C8orf34: variants seen among roughly 807,000 people sequenced by gnomAD.
C8orf34 encodes the protein uncharacterized protein C8orf34.
Under a neutral mutation model 68.3 loss-of-function variants are expected in C8orf34, and 65 were observed. That is an observed-to-expected ratio of 0.95 (90% CI 0.78 to 1.17). The LOEUF (loss-of-function observed/expected upper bound fraction) is 1.17. Among genes scored for constraint, C8orf34 ranks in the 50% most tolerant of loss-of-function variants. The probability of loss-of-function intolerance (pLI) is 0.00; values close to 1 mark genes in which losing one functional copy is unlikely to be tolerated. For missense variants in C8orf34, 664 were observed against 655.4 expected (o/e 1.01, Z -0.14); for synonymous variants, 244 against 241.2 (o/e 1.01, Z -0.11).
intron 7 of C8orf34, among the ~76,000 whole-genome samples, chr8:68,603,683 T>A (rs1036145346): frequency 5.3e-5 from 8 of 151,952 alleles, no homozygotes; most frequent in African/African-American, 1.7e-4. Flanking sequence ...TACATAAATT[T>A]CAAGAAGAGA....
chr8:68,532,189 G>T (rs1815276278), intron 6 of C8orf34, among the ~76,000 whole-genome samples: 2 of 152,028 alleles, frequency 1.3e-5, no homozygotes, highest in Admixed American at 1.3e-4. Flanking sequence ...AAAACAGAAA[G>T]AACAGAAATA....
intron 10 of C8orf34, among the ~76,000 whole-genome samples, chr8:68,746,465 C>A: frequency 5.3e-5 from 2 of 37,962 alleles, no homozygotes; most frequent in African/African-American, 1.0e-4. Flanking sequence ...TTGAAAGGAT[C>A]AACAAAATTG....
At chr8:68,492,729 C>T (rs1813367797) in intron 5 of C8orf34, among the ~76,000 whole-genome samples, 1 of 151,978 alleles carries the variant, frequency 6.6e-6, no homozygotes, top group African/African-American at 2.4e-5. Flanking sequence ...CTTTCTCTGG[C>T]TGTGATCCCT....
chr8:68,559,939 G>T (rs1816371171), intron 7 of C8orf34, among the ~76,000 whole-genome samples: 1 of 152,120 alleles, frequency 6.6e-6, no homozygotes, highest in Non-Finnish European at 1.5e-5. Flanking sequence ...GTACAGAGAG[G>T]AACATTGGGT....
chr8:68,413,052 G>T (rs894535943), intron 1 of C8orf34, among the ~76,000 whole-genome samples: 14 of 152,098 alleles, frequency 9.2e-5, no homozygotes, highest in Non-Finnish European at 1.9e-4. Context: ...TCCTACACCT[G>T]TGCAGCTGAA....
At chr8:68,678,983 T>C (rs1450234409) in intron 8 of C8orf34, among the ~76,000 whole-genome samples, 2 of 150,960 alleles carry the variant, frequency 1.3e-5, no homozygotes, top group East Asian at 2.0e-4. Flanking sequence ...GAAAAAGAAA[T>C]CAAGAAAGTT....
At chr8:68,805,994 C>T (rs1824469473) in intron 12 of C8orf34, among the ~76,000 whole-genome samples, 1 of 151,788 alleles carries the variant, frequency 6.6e-6, no homozygotes, top group South Asian at 2.1e-4. Flanking sequence ...GTTATATACT[C>T]TTTTAAGATT....
intron 8 of C8orf34, among the ~76,000 whole-genome samples, chr8:68,684,988 C>T (rs889969707): frequency 6.6e-6 from 1 of 151,950 alleles, no homozygotes; most frequent in African/African-American, 2.4e-5. Flanking sequence ...TAATATACAA[C>T]AGGTAAAATT....
intron 10 of C8orf34, among the ~76,000 whole-genome samples, chr8:68,771,418 G>A (rs1426109104): frequency 6.6e-6 from 1 of 152,104 alleles, no homozygotes; most frequent in Non-Finnish European, 1.5e-5. Flanking sequence ...CTGCATTACA[G>A]GAAATTATAG....
intron 7 of C8orf34, among the ~76,000 whole-genome samples, chr8:68,538,181 A>G (rs778911377): frequency 1.2e-4 from 18 of 152,154 alleles, no homozygotes; most frequent in African/African-American, 2.9e-4. Flanking sequence ...CATACCAATA[A>G]CATAGAATAA....
At chr8:68,487,944 A>G in intron 4 of C8orf34, 79 bp from the exon 5 acceptor site, 2 of 934,980 alleles carry the variant, frequency 2.1e-6, no homozygotes, top group South Asian at 1.5e-5. Flanking sequence ...ACTTTTACAA[A>G]TAGAAAGTTT....
intron 10 of C8orf34, among the ~76,000 whole-genome samples, chr8:68,763,660 C>T (rs890273041): frequency 6.6e-6 from 1 of 152,142 alleles, no homozygotes; most frequent in Non-Finnish European, 1.5e-5. Flanking sequence ...TTGAAATATT[C>T]AACATTGTTA....
chr8:68,790,227 T>C (rs1823956135), intron 12 of C8orf34, among the ~76,000 whole-genome samples: 1 of 152,194 alleles, frequency 6.6e-6, no homozygotes, highest in Admixed American at 6.5e-5. Context: ...TAGATATGCA[T>C]AGATCATCTG....
intron 7 of C8orf34, among the ~76,000 whole-genome samples, chr8:68,599,435 A>G (rs891756571): frequency 7.2e-5 from 11 of 152,052 alleles, no homozygotes; most frequent in Non-Finnish European, 1.5e-4. Context: ...TGGAAGATTC[A>G]TACTAATTGA....
rs546778155 is a variant in C8orf34, at chr8:68,492,516, C to T, written c.765+4465C>T. ...GGGATTTTGTGCATGAGCCACCATGCCAGGCTCAAGTCCAGATTTCTAAGA... is the reference window on the plus strand; with the variant it reads ...GGGATTTTGTGCATGAGCCACCATGTCAGGCTCAAGTCCAGATTTCTAAGA... On this transcript the variant is annotated intron_variant, in intron 5 of 13. Coordinates refer to ENST00000518698, the MANE Select transcript of C8orf34 (RefSeq NM_052958.4). 1.2e-3 allele frequency among the ~76,000 whole-genome samples: 187 copies of T among 152,208 alleles called. 1 individual carries two copies. Among genetic ancestry groups the T allele is most frequent in the African/African-American group, 4.4e-3 (184 of 41,542 alleles).
chr8:68,491,683 C>G (rs1258053289), intron 5 of C8orf34, among the ~76,000 whole-genome samples: 2 of 152,104 alleles, frequency 1.3e-5, no homozygotes, highest in East Asian at 1.9e-4. Context: ...ATGCAAAGTC[C>G]TTTTGCATAT....
At chr8:68,395,987 G>C (rs931785724) in intron 1 of C8orf34, among the ~76,000 whole-genome samples, 2 of 151,976 alleles carry the variant, frequency 1.3e-5, no homozygotes, top group Non-Finnish European at 2.9e-5. Context: ...TATTCCTAAG[G>C]AGGCAGTAGA....
intron 8 of C8orf34, among the ~76,000 whole-genome samples, chr8:68,686,495 T>G (rs1315812476): frequency 2.0e-5 from 3 of 152,016 alleles, no homozygotes; most frequent in Non-Finnish European, 4.4e-5. Context: ...TCAATAAATG[T>G]GACACATTAC....
At chr8:68,331,392 G>A (rs1405367279) in intron 1 of C8orf34, 53 bp downstream of exon 1, 26 of 1,509,632 alleles carry the variant, frequency 1.7e-5, no homozygotes, top group Non-Finnish European at 2.0e-5. Context: ...AAGGGGTGCA[G>A]TAATGAAAAC....
Sources: allele counts gnomAD v4.1 joint callset (sites outside exome capture counted in the v4.1 genomes callset), GRCh38; gene constraint gnomAD v4.1.1; transcripts MANE v1.5; gene names NCBI Gene and HGNC (gene_info 2026-07-23, HGNC 2026-07-21).